PDE4B: variants seen among roughly 807,000 people sequenced by gnomAD.
PDE4B encodes 3',5'-cyclic-AMP phosphodiesterase 4B.
A neutral mutation model predicts 82.2 loss-of-function variants in PDE4B; 20 were observed. The observed-to-expected ratio is 0.24, with a 90% CI of 0.17 to 0.35. The LOEUF (loss-of-function observed/expected upper bound fraction) is 0.35, where lower values mean the gene tolerates loss of function less well. Among genes scored for constraint, PDE4B ranks in the 10% least tolerant of loss-of-function variants. The probability of loss-of-function intolerance (pLI) is 1.00; values close to 1 mark genes in which losing one functional copy is unlikely to be tolerated. For missense variants in PDE4B, 655 were observed against 907.2 expected (o/e 0.72, Z 3.57); for synonymous variants, 320 against 318.9 (o/e 1.00, Z -0.04).
rs979439814 is a variant in PDE4B, at chr1:66,178,921, G to A, written c.282-68539G>A. ...GGCTGGAGTGCAATGGCGCGATCTC[G>A]GCTCACTGCAACCTCCACCTCCGGG... On this transcript the variant is annotated intron_variant, in intron 3 of 16. Transcript: ENST00000341517. Among the ~76,000 whole-genome samples the A allele has an allele frequency of 6.6e-5, 10 of 151,890 alleles. No homozygotes were observed. The East Asian group carries it at 1.3e-3, about 20-fold the overall frequency.
At chr1:66,361,514 A>C in intron 9 of PDE4B, 101 bp from the exon 10 acceptor site, 1 of 853,352 alleles carries the variant, frequency 1.2e-6, no homozygotes, top group Non-Finnish European at 1.8e-6. Flanking sequence ...TTTATTTTAT[A>C]AGATTCTAAA....
At chr1:66,154,201 C>T (rs980106102) in intron 3 of PDE4B, among the ~76,000 whole-genome samples, 1 of 152,150 alleles carries the variant, frequency 6.6e-6, no homozygotes, top group African/African-American at 2.4e-5. Context: ...TAATTCTTAT[C>T]TGTTTATTGC....
intron 1 of PDE4B, among the ~76,000 whole-genome samples, chr1:65,889,554 A>G (rs1045270976): frequency 6.6e-6 from 1 of 151,828 alleles, no homozygotes; most frequent in African/African-American, 2.4e-5. Context: ...GAAACATAAA[A>G]TGCTTCATAA....
At chr1:65,865,480 C>T (rs1357993732) in intron 1 of PDE4B, among the ~76,000 whole-genome samples, 3 of 152,078 alleles carry the variant, frequency 2.0e-5, no homozygotes, top group Non-Finnish European at 2.9e-5. Flanking sequence ...AGTGTCTGCC[C>T]AAACAGCTGC....
At chr1:66,062,398 G>A (rs1390742587) in intron 3 of PDE4B, among the ~76,000 whole-genome samples, 1 of 151,986 alleles carries the variant, frequency 6.6e-6, no homozygotes, top group African/African-American at 2.4e-5. Flanking sequence ...GACAACTTGG[G>A]GATTCTGTAT....
intron 7 of PDE4B, among the ~76,000 whole-genome samples, chr1:66,322,661 A>G (rs1659485825): frequency 6.6e-6 from 1 of 151,846 alleles, no homozygotes; most frequent in South Asian, 2.1e-4. Context: ...AGGAAACAAC[A>G]CATGCTGGAG....
chr1:66,229,693 T>A (rs17128579), intron 3 of PDE4B, among the ~76,000 whole-genome samples: 1 of 151,972 alleles, frequency 6.6e-6, no homozygotes, highest in African/African-American at 2.4e-5. Flanking sequence ...GCCTTCTGTC[T>A]AAATAAACCA....
chr1:65,907,580 C>T (rs1647041311), intron 1 of PDE4B, among the ~76,000 whole-genome samples: 1 of 152,068 alleles, frequency 6.6e-6, no homozygotes, highest in Admixed American at 6.6e-5. Flanking sequence ...TAGCACAAAC[C>T]AGAAAACCTT....
At chr1:66,010,766 A>G (rs1490499782) in intron 3 of PDE4B, among the ~76,000 whole-genome samples, 1 of 148,768 alleles carries the variant, frequency 6.7e-6, no homozygotes, top group Admixed American at 6.7e-5. Context: ...AAGATTAATC[A>G]TCTTTCTCTC....
At chr1:65,887,263 C>CTTTT (rs1486577998) in intron 1 of PDE4B, among the ~76,000 whole-genome samples, 1 of 54,722 alleles carries the variant, frequency 1.8e-5, no homozygotes. Flanking sequence ...TTCTTTCTTT[C>CTTTT]CTTCCTTCTT....
chr1:66,090,648 T>C (rs1444487702), intron 3 of PDE4B, among the ~76,000 whole-genome samples: 6 of 63,412 alleles, frequency 9.5e-5, no homozygotes, highest in African/African-American at 1.7e-4. Flanking sequence ...TGTATGTACG[T>C]ATATATATGT....
chr1:65,887,246 CTTTT>C (rs1557799019), intron 1 of PDE4B, among the ~76,000 whole-genome samples: 415 of 21,634 alleles, frequency 0.019, 21 homozygotes, highest in South Asian at 0.065. Flanking sequence ...TTCTTTCTTT[CTTTT>C]CTTTCTTTCT....
intron 3 of PDE4B, among the ~76,000 whole-genome samples, chr1:66,085,245 A>G (rs1019482053): frequency 6.6e-6 from 1 of 152,138 alleles, no homozygotes; most frequent in Non-Finnish European, 1.5e-5. Flanking sequence ...CTAAAATTTG[A>G]GAACCATTGA....
rs183862483 is a variant in PDE4B at position 66,273,603 on chromosome 1, C to A, written c.634+7516C>A. Among the ~76,000 whole-genome samples, 9 of 152,374 alleles carry A rather than the reference C, an allele frequency of 5.9e-5. No homozygotes were observed. The East Asian group carries it at 1.7e-3, about 29-fold the overall frequency. On this transcript the variant is annotated intron_variant, in intron 7 of 16. Transcript: ENST00000341517. ...TATTATCTCAAAATCTCTGTTATTACACTTGTCATACTGTATTGTAATTAT... is the reference window on the plus strand; with the variant it reads ...TATTATCTCAAAATCTCTGTTATTAAACTTGTCATACTGTATTGTAATTAT...
intron 1 of PDE4B, among the ~76,000 whole-genome samples, chr1:65,849,456 C>A (rs1364906867): frequency 6.6e-6 from 1 of 152,158 alleles, no homozygotes; most frequent in Non-Finnish European, 1.5e-5. Context: ...CATTGGGAAG[C>A]ATCCTGAGGA....
intron 7 of PDE4B, among the ~76,000 whole-genome samples, chr1:66,309,667 G>T (rs564229047): frequency 7.2e-5 from 11 of 152,212 alleles, no homozygotes; most frequent in African/African-American, 2.2e-4. Context: ...CTCACTAGCG[G>T]CTGTGTAACT....
intron 3 of PDE4B, among the ~76,000 whole-genome samples, chr1:65,927,806 C>T (rs1040679554): frequency 7.9e-5 from 12 of 152,056 alleles, no homozygotes; most frequent in African/African-American, 2.9e-4. Context: ...CCGTAACAGC[C>T]CTCACCCTAC....
intron 3 of PDE4B, among the ~76,000 whole-genome samples, chr1:66,160,038 G>T (rs572932658): frequency 5.3e-5 from 8 of 152,308 alleles, no homozygotes; most frequent in Admixed American, 2.6e-4. Flanking sequence ...TTGCCTGCTG[G>T]CCAGAGGAGT....
At chr1:66,265,903 C>T (rs1039604516) in intron 6 of PDE4B, 135 bp from the exon 7 acceptor site, 9 of 679,436 alleles carry the variant, frequency 1.3e-5, no homozygotes, top group South Asian at 5.1e-5. Flanking sequence ...GCTTGCCTTC[C>T]GGAGATGGCA....
Sources: gnomAD v4.1 joint callset for allele counts (sites outside exome capture counted in the v4.1 genomes callset) on GRCh38, gnomAD v4.1.1 for gene constraint, MANE v1.5 for transcripts, NCBI Gene and HGNC (gene_info 2026-07-23, HGNC 2026-07-21) for gene names.